MRTFA: variants seen among roughly 807,000 people sequenced by gnomAD.
The protein encoded by MRTFA is myocardin related transcription factor A.
Under a neutral mutation model 83.5 loss-of-function variants are expected in MRTFA, and 20 were observed. That is an observed-to-expected ratio of 0.24 (90% CI 0.17 to 0.35). MRTFA has a LOEUF of 0.35. Among genes scored for constraint, MRTFA ranks in the 10% least tolerant of loss-of-function variants. The pLI is 1.00. For synonymous variants in MRTFA, 659 were observed against 541.2 expected (o/e 1.22, Z -3.02); for missense variants, 1,200 against 1,224.7 (o/e 0.98, Z 0.30).
Position 40,417,381 on chromosome 22 carries a change from G to C in MRTFA, c.2477C>G (p.Pro826Arg). ...CTGGCTCATGGCTTCCTCATAGCCAGGTGGTTCCTTCTTCAGCAGAGAAGT... is the reference window on the plus strand; with the variant it reads ...CTGGCTCATGGCTTCCTCATAGCCACGTGGTTCCTTCTTCAGCAGAGAAGT... The change falls in exon 13 of 15, where the codon CCT (proline) becomes CGT (arginine). Residue 826 changes from proline to arginine, a missense_variant. By Grantham distance (103) the Pro-to-Arg change is moderately radical (BLOSUM62 -2). Coordinates refer to ENST00000355630, the MANE Select transcript of MRTFA (RefSeq NM_020831.6). 6.2e-7 allele frequency: 1 copy of C among 1,611,814 alleles called. No individual in the cohort carries two copies. Among genetic ancestry groups the C allele is most frequent in the Non-Finnish European group, 8.5e-7 (1 of 1,179,854 alleles).
intron 3 of MRTFA, among the ~76,000 whole-genome samples, chr22:40,504,439 G>T (rs1184226380): frequency 6.6e-6 from 1 of 152,138 alleles, no homozygotes; most frequent in Non-Finnish European, 1.5e-5. Flanking sequence ...CAGAAATTAG[G>T]CCATGGCTGG....
chr22:40,515,379 C>A lies in MRTFA; in HGVS notation c.241+36727G>T, dbSNP rs148921804. 2.9e-3 allele frequency among the ~76,000 whole-genome samples: 447 copies of A among 152,042 alleles called. 4 individuals are homozygous for A. The highest frequency in any genetic ancestry group is 0.01 in the African/African-American group (425 of 41,488). ...AGTGAGAAACATATACATTTAAAAACCCCCAAAAATCTCATAAAATAATCA... is the reference window on the plus strand; with the variant it reads ...AGTGAGAAACATATACATTTAAAAAACCCCAAAAATCTCATAAAATAATCA... On this transcript the variant is annotated intron_variant, in intron 3 of 14. Coordinates refer to ENST00000355630, the MANE Select transcript of MRTFA (RefSeq NM_020831.6).
intron 3 of MRTFA, among the ~76,000 whole-genome samples, chr22:40,551,500 T>C (rs2055443904): frequency 6.6e-6 from 1 of 152,156 alleles, no homozygotes; most frequent in Non-Finnish European, 1.5e-5. Flanking sequence ...CCCCAGTAGC[T>C]GGGTCTACAA....
chr22:40,454,909 T>A (rs1314858151), intron 4 of MRTFA, among the ~76,000 whole-genome samples: 2 of 152,200 alleles, frequency 1.3e-5, no homozygotes, highest in Non-Finnish European at 2.9e-5. Flanking sequence ...CAAGCCATCC[T>A]CCTGTCTCAG....
intron 4 of MRTFA, among the ~76,000 whole-genome samples, chr22:40,436,780 G>C (rs2053178383): frequency 1.3e-5 from 2 of 152,200 alleles, no homozygotes; most frequent in African/African-American, 4.8e-5. Context: ...TCCTGCCCTA[G>C]AATTTCCAAA....
At chr22:40,452,359 G>A (rs2147131062) in intron 4 of MRTFA, among the ~76,000 whole-genome samples, 1 of 152,234 alleles carries the variant, frequency 6.6e-6, no homozygotes, top group East Asian at 1.9e-4. Flanking sequence ...GATGTGTATT[G>A]TTCAGGTAAA....
intron 2 of MRTFA, among the ~76,000 whole-genome samples, chr22:40,594,005 C>T (rs1032011516): frequency 1.1e-4 from 16 of 152,316 alleles, no homozygotes; most frequent in East Asian, 1.9e-4. Flanking sequence ...TGCAGAGCTG[C>T]GTGAACTGCC....
chr22:40,539,528 C>CA (rs2055251475), intron 3 of MRTFA, among the ~76,000 whole-genome samples: 2 of 140,546 alleles, frequency 1.4e-5, no homozygotes, highest in African/African-American at 2.5e-5. Flanking sequence ...TTGTTTGAGA[C>CA]AGTCTTTCTC....
At chr22:40,420,757 T>C (rs2147073370) in intron 10 of MRTFA, 90 bp downstream of exon 10, 1 of 1,576,624 alleles carries the variant, frequency 6.3e-7, no homozygotes, top group Non-Finnish European at 8.6e-7. Context: ...TCCTTAAAGA[T>C]GTGAGGTTCA....
Position 40,411,331 on chromosome 22 carries a change from C to T in MRTFA, c.*59G>A. The stretch of plus-strand genomic sequence containing the variant: ...GGAGAGGCCGAATCACGCAGGAGAG[C>T]CACGCATTGGAGTACCCTGGCTCCC... On this transcript the variant is annotated 3_prime_UTR_variant, in exon 15 of 15. Coordinates refer to ENST00000355630, the MANE Select transcript of MRTFA (RefSeq NM_020831.6). 6.7e-7 allele frequency: 1 copy of T among 1,494,134 alleles called. No individual in the cohort carries two copies. The allele number at this position is 1,494,134 out of a possible 1,614,324, so 92.6% of individuals were successfully genotyped here.
chr22:40,538,965 T>C (rs1219154632), intron 3 of MRTFA, among the ~76,000 whole-genome samples: 1 of 151,356 alleles, frequency 6.6e-6, no homozygotes, highest in East Asian at 1.9e-4. Flanking sequence ...AAAGGGACAT[T>C]ATACTGCAGG....
chr22:40,423,395 A>T, intron 9 of MRTFA, 141 bp downstream of exon 9: 1 of 741,218 alleles, frequency 1.3e-6, no homozygotes, highest in Non-Finnish European at 2.0e-6. Context: ...GACAGCAGAC[A>T]GAACGGGAAG....
At chr22:40,561,003 T>G (rs2055605875) in intron 2 of MRTFA, among the ~76,000 whole-genome samples, 1 of 152,156 alleles carries the variant, frequency 6.6e-6, no homozygotes, top group Admixed American at 6.6e-5. Context: ...ATGGTTCTTC[T>G]GAAAATTTTT....
At chr22:40,580,051 C>T (rs1013474556) in intron 2 of MRTFA, among the ~76,000 whole-genome samples, 1 of 152,066 alleles carries the variant, frequency 6.6e-6, no homozygotes, top group African/African-American at 2.4e-5. Context: ...AATAAAAACA[C>T]AACATATGAA....
At position 40,599,880 on chromosome 22, in the gene MRTFA, CAG is replaced by C. The variant is rs1201056356; in HGVS notation, c.-83-5147_-83-5146del. 2.1e-5 allele frequency among the ~76,000 whole-genome samples: 3 copies of C among 145,280 alleles called. No individual in the cohort carries two copies. In the Admixed American group the frequency reaches 2.1e-4, roughly 10 times the overall value. ...CACCACTGCACTCCAGCCTGAGCGA[CAG>C]AGTGAGACACGCTGTGTCTTTAAAA... On this transcript the variant is annotated intron_variant, in intron 1 of 14. Coordinates refer to ENST00000355630, the MANE Select transcript of MRTFA (RefSeq NM_020831.6).
At chr22:40,614,055 A>G (rs1428198786) in intron 1 of MRTFA, among the ~76,000 whole-genome samples, 1 of 151,836 alleles carries the variant, frequency 6.6e-6, no homozygotes, top group Admixed American at 6.6e-5. Context: ...CAAAAAAATT[A>G]GCCGGGCATG....
rs562385538 is a variant in MRTFA, at chr22:40,588,591, G to C, written c.-22+6083C>G. Among the ~76,000 whole-genome samples the C allele has an allele frequency of 3.9e-5, 6 of 152,268 alleles. No homozygotes were observed. In the East Asian group the frequency reaches 1.2e-3, roughly 29 times the overall value. On this transcript the variant is annotated intron_variant, in intron 2 of 14. Coordinates refer to ENST00000355630, the MANE Select transcript of MRTFA (RefSeq NM_020831.6). ...GTTGGTAACTGTACTTAGATCAATA[G>C]ATTGCCAGTTAATGAACTGTGGCCT...
Position 40,435,546 on chromosome 22 carries a change from T to C in MRTFA, c.316A>G (p.Ser106Gly). 1 of 1,614,192 alleles carries C rather than the reference T, an allele frequency of 6.2e-7. No individual in the cohort carries two copies. Among genetic ancestry groups the C allele is most frequent in the Non-Finnish European group, 8.5e-7 (1 of 1,180,016 alleles). Residue 106 changes from serine to glycine, a missense_variant, in exon 5 of 15, where the codon AGT becomes GGT. Physicochemically the swap from Ser to Gly is moderately conservative, Grantham distance 56 (BLOSUM62 0). Around this residue, in one of 2 missense-constraint regions of MRTFA, gnomAD observed 93 missense variants for 182.9 expected, o/e 0.51. Coordinates refer to ENST00000355630, the MANE Select transcript of MRTFA (RefSeq NM_020831.6). ...CTCTGCTCATGAAATGCGGCTGGAC[T>C]TTTCAAAGCTGTTGAGAGAAGAACC...
chr22:40,578,621 T>A (rs1289605233), intron 2 of MRTFA, among the ~76,000 whole-genome samples: 1 of 151,968 alleles, frequency 6.6e-6, no homozygotes, highest in Non-Finnish European at 1.5e-5. Context: ...AATTTTTTTT[T>A]AGAAAAGTAG....
Sources: allele counts gnomAD v4.1 joint callset (sites outside exome capture counted in the v4.1 genomes callset), GRCh38; gene constraint gnomAD v4.1.1; regional missense constraint gnomAD v4.1.1; transcripts MANE v1.5; gene names NCBI Gene and HGNC (gene_info 2026-07-23, HGNC 2026-07-21).